Variants in HMCN1 observed in about 807,000 individuals in gnomAD.
HMCN1 encodes hemicentin 1.
A neutral mutation model predicts 625.9 loss-of-function variants in HMCN1; 321 were observed. That is an observed-to-expected ratio of 0.51 (90% CI 0.47 to 0.56). HMCN1 has a LOEUF of 0.56. HMCN1 is among the 20% of genes least tolerant of loss of function. The pLI, the probability that HMCN1 is intolerant of heterozygous loss-of-function variation, is 0.00. For synonymous variants in HMCN1, 2,425 were observed against 2,417.6 expected (o/e 1.00, Z -0.09); for missense variants, 6,588 against 6,887.3 (o/e 0.96, Z 1.54).
intron 93 of HMCN1, 142 bp from the exon 94 acceptor site, chr1:186,151,058 A>G: frequency 4.0e-6 from 3 of 740,890 alleles, no homozygotes; most frequent in Non-Finnish European, 6.8e-6. Context: ...TATTTATTTC[A>G]CTATTAAATT....
chr1:186,175,868 C>A (rs1571466033), intron 103 of HMCN1, among the ~76,000 whole-genome samples: 2 of 85,166 alleles, frequency 2.3e-5, no homozygotes, highest in Admixed American at 1.3e-4. Flanking sequence ...AAGAGTGAAA[C>A]TATGTCTCAA....
At chr1:185,814,266 T>C (rs570305923) in intron 1 of HMCN1, among the ~76,000 whole-genome samples, 2 of 152,268 alleles carry the variant, frequency 1.3e-5, no homozygotes, top group Non-Finnish European at 2.9e-5. Flanking sequence ...CTGACTTAAA[T>C]GTTTTATTCC....
intron 2 of HMCN1, among the ~76,000 whole-genome samples, chr1:185,847,312 C>A (rs1661882041): frequency 6.6e-6 from 1 of 152,138 alleles, no homozygotes; most frequent in Non-Finnish European, 1.5e-5. Flanking sequence ...GAATTCATAG[C>A]CACCTAACTC....
At chr1:186,014,704 A>T (rs777624526) in intron 30 of HMCN1, among the ~76,000 whole-genome samples, 1 of 152,012 alleles carries the variant, frequency 6.6e-6, no homozygotes, top group Non-Finnish European at 1.5e-5. Flanking sequence ...AAGAAGCAAA[A>T]ATTGAAGACT....
In HMCN1 at chr1:186,104,215, G is replaced by A. The variant is rs571491906; in HGVS notation, c.10770+547G>A. On this transcript the variant is annotated intron_variant, in intron 69 of 106. Transcript: ENST00000271588. ...GCAATCTTCTATTCTACTAGTAAAG[G>A]CAAACCTTATGTTACAATTATTCTC... Among the ~76,000 whole-genome samples the A allele has an allele frequency of 1.4e-4, 21 of 152,192 alleles. No homozygotes were observed. The South Asian group carries it at 4.4e-3, about 32-fold the overall frequency.
At position 186,016,080 on chromosome 1, in the gene HMCN1, G is replaced by C; in HGVS notation, c.5032G>C (p.Asp1678His). The C allele has an allele frequency of 1.2e-6, 2 of 1,613,540 alleles. No homozygotes were observed. Among genetic ancestry groups the C allele is most frequent in the Non-Finnish European group, 1.7e-6 (2 of 1,179,650 alleles). ...NPSPILTWLK[D>H]GVPVKANDNI... Reference sequence around the variant, plus strand: ...TTCTCCCATTCTCACCTGGTTGAAAGATGGTGTACCTGTGAAAGCTAATGA... The same window carrying C: ...TTCTCCCATTCTCACCTGGTTGAAACATGGTGTACCTGTGAAAGCTAATGA... Residue 1678 changes from aspartate (D) to histidine (H), a missense_variant, in exon 32 of 107, where the codon GAT (aspartate) becomes CAT (histidine). Asp to His is a moderately conservative substitution (Grantham distance 81). Transcript: ENST00000271588.
At chr1:185,949,978 G>T (rs1366398782) in intron 11 of HMCN1, among the ~76,000 whole-genome samples, 1 of 151,798 alleles carries the variant, frequency 6.6e-6, no homozygotes, top group Non-Finnish European at 1.5e-5. Context: ...CGGGCTAGTG[G>T]CTTGTACTAT....
chr1:185,951,706 G>A lies in HMCN1; in HGVS notation c.1829-10812G>A, dbSNP rs183286983. Among the ~76,000 whole-genome samples the A allele has an allele frequency of 8.0e-3, 1,208 of 151,638 alleles. 18 individuals carry two copies. Among genetic ancestry groups the A allele is most frequent in the Admixed American group, 0.011 (165 of 15,214 alleles). ...ACACAGATGGGACGTGGCTTAGGAG[G>A]AATCCCGGGCTGAGGGCATTTCTTG... On this transcript the variant is annotated intron_variant, in intron 11 of 106. Coordinates refer to ENST00000271588, the MANE Select transcript of HMCN1 (RefSeq NM_031935.3).
intron 81 of HMCN1, among the ~76,000 whole-genome samples, chr1:186,125,025 T>C (rs960594749): frequency 1.3e-5 from 2 of 152,142 alleles, no homozygotes; most frequent in Non-Finnish European, 2.9e-5. Flanking sequence ...TGTGCAGTTA[T>C]AAAGTCACTC....
chr1:185,990,373 G>A lies in HMCN1; in HGVS notation c.3307G>A (p.Val1103Met), dbSNP rs762631011. The change falls in exon 22 of 107, where the codon GTG becomes ATG. Residue 1103 changes from valine to methionine, a missense_variant. By Grantham distance (21) the Val-to-Met change is conservative (BLOSUM62 1). Coordinates refer to ENST00000271588, the MANE Select transcript of HMCN1 (RefSeq NM_031935.3). ...GGAAGAGGTAACACTTCCATGTGAA[G>A]TGAAGAGCTTACCTCCACCCATAAT... ...AGEEVTLPCE[V>M]KSLPPPIITW... 2.0e-5 allele frequency: 33 copies of A among 1,613,824 alleles called. No individual in the cohort carries two copies. Among genetic ancestry groups the A allele is most frequent in the Middle Eastern group, 3.3e-4 (2 of 6,084 alleles).
At chr1:186,122,731 A>G (rs1661453516) in intron 80 of HMCN1, among the ~76,000 whole-genome samples, 1 of 152,296 alleles carries the variant, frequency 6.6e-6, no homozygotes, top group East Asian at 1.9e-4. Context: ...AAAATCGACT[A>G]TCACTTAACA....
At chr1:185,988,613 AT>A (rs1161738026) in intron 20 of HMCN1, among the ~76,000 whole-genome samples, 1 of 152,244 alleles carries the variant, frequency 6.6e-6, no homozygotes, top group Non-Finnish European at 1.5e-5. Context: ...AGTTTAATGC[AT>A]TTTAAGGAAA....
intron 1 of HMCN1, among the ~76,000 whole-genome samples, chr1:185,789,942 C>A (rs1158926142): frequency 1.3e-5 from 2 of 152,310 alleles, no homozygotes; most frequent in African/African-American, 4.8e-5. Context: ...TTTAAAAGAG[C>A]TTCAGTACTT....
chr1:186,139,338 C>T (rs1012852770), intron 89 of HMCN1, among the ~76,000 whole-genome samples: 6 of 152,088 alleles, frequency 3.9e-5, no homozygotes, highest in South Asian at 2.1e-4. Context: ...TTAAAATAAA[C>T]GAGAAGCCAT....
intron 1 of HMCN1, among the ~76,000 whole-genome samples, chr1:185,763,910 T>C (rs1655694597): frequency 1.3e-5 from 2 of 152,166 alleles, no homozygotes; most frequent in African/African-American, 4.8e-5. Flanking sequence ...TCTCACATCA[T>C]AGGAGGAACA....
chr1:186,131,504 G>A (rs1214921963), intron 85 of HMCN1, among the ~76,000 whole-genome samples: 2 of 152,064 alleles, frequency 1.3e-5, no homozygotes, highest in East Asian at 3.9e-4. Flanking sequence ...TCCTAAAACT[G>A]TAGTATCTCC....
chr1:186,005,257 A>AATTGTTTATAAACGTTTATAAACAAT lies in HMCN1; in HGVS notation c.4475+1413_4475+1414insATTGTTTATAAACGTTTATAAACAAT, dbSNP rs1558136022. Among the ~76,000 whole-genome samples, 178 of 113,596 alleles carry AATTGTTTATAAACGTTTATAAACAAT rather than the reference A, an allele frequency of 1.6e-3. 15 individuals carry two copies. The highest frequency in any genetic ancestry group is 7.0e-3 in the African/African-American group (169 of 24,008). The allele number at this position is 113,596 out of a possible 152,430, so 74.5% of individuals were successfully genotyped here. ...ATTGTTTATAAACGTTTATAAACAA[A>AATTGTTTATAAACGTTTATAAACAAT]TTTTTAATTGTTTATAAATGTTTAT... On this transcript the variant is annotated intron_variant, in intron 29 of 106. Coordinates refer to ENST00000271588, the MANE Select transcript of HMCN1 (RefSeq NM_031935.3).
At chr1:185,847,401 C>T (rs1661889235) in intron 2 of HMCN1, among the ~76,000 whole-genome samples, 1 of 152,110 alleles carries the variant, frequency 6.6e-6, no homozygotes, top group Non-Finnish European at 1.5e-5. Context: ...AATGACAATT[C>T]CAAATCTTAT....
Position 185,864,462 on chromosome 1 carries a change from C to T in HMCN1, c.340-8C>T, listed in dbSNP as rs1663056530. 1 of 1,613,646 alleles carries T rather than the reference C, an allele frequency of 6.2e-7. No individual in the cohort carries two copies. Among genetic ancestry groups the T allele is most frequent in the Non-Finnish European group, 8.5e-7 (1 of 1,179,688 alleles). ...TGACGTAATTGAATTTTTCTCTCCACTCAACAGGGTGGTGGTGATTGCCCA... is the reference window on the plus strand; with the variant it reads ...TGACGTAATTGAATTTTTCTCTCCATTCAACAGGGTGGTGGTGATTGCCCA... On this transcript the variant is annotated splice_region_variant and splice_polypyrimidine_tract_variant and intron_variant, in intron 2 of 106. Transcript: ENST00000271588.
Sources: allele counts gnomAD v4.1 joint callset (sites outside exome capture counted in the v4.1 genomes callset), GRCh38; gene constraint gnomAD v4.1.1; transcripts MANE v1.5; gene names NCBI Gene and HGNC (gene_info 2026-07-23, HGNC 2026-07-21).